The following KCNAB1 variants were observed in gnomAD, a reference collection of about 807,000 sequenced individuals.
KCNAB1 encodes voltage-gated potassium channel subunit beta-1.
In KCNAB1, 35 loss-of-function variants were observed where a neutral mutation model predicts 64.6. The ratio of observed to expected loss-of-function variants is 0.54; its 90% confidence interval spans 0.41 to 0.72. The LOEUF (loss-of-function observed/expected upper bound fraction) is 0.72, where lower values mean the gene tolerates loss of function less well. KCNAB1 is among the 30% of genes least tolerant of loss of function. The pLI is 0.00. For missense variants in KCNAB1, 401 were observed against 512.9 expected (o/e 0.78, Z 2.11); for synonymous variants, 177 against 183.8 (o/e 0.96, Z 0.30).
chr3:156,295,682 G>A (rs1358420041), intron 1 of KCNAB1, among the ~76,000 whole-genome samples: 1 of 152,188 alleles, frequency 6.6e-6, no homozygotes, highest in Admixed American at 6.5e-5. Context: ...TATCCTGTAT[G>A]TAAATAACAC....
chr3:156,357,154 TGCGC>T (rs10663018), intron 1 of KCNAB1, among the ~76,000 whole-genome samples: 16 of 135,100 alleles, frequency 1.2e-4, no homozygotes, highest in Admixed American at 4.2e-4. Flanking sequence ...AACACACATG[TGCGC>T]GCACACACAC....
At chr3:156,467,112 C>G (rs780892672) in intron 7 of KCNAB1, among the ~76,000 whole-genome samples, 3 of 152,102 alleles carry the variant, frequency 2.0e-5, no homozygotes, top group Non-Finnish European at 4.4e-5. Flanking sequence ...GTAAAACCAT[C>G]TAACACAAAG....
At chr3:156,284,759 C>T (rs1719989671) in intron 1 of KCNAB1, among the ~76,000 whole-genome samples, 1 of 152,206 alleles carries the variant, frequency 6.6e-6, no homozygotes, top group African/African-American at 2.4e-5. Flanking sequence ...CTTTCTTTGA[C>T]TCAGAAAGGG....
At chr3:156,210,267 T>TG (rs1714933101) in intron 1 of KCNAB1, among the ~76,000 whole-genome samples, 6 of 152,114 alleles carry the variant, frequency 3.9e-5, no homozygotes. Flanking sequence ...CCATTTTACT[T>TG]GGGGTACATT....
At chr3:156,170,899 A>C (rs1246750232) in intron 1 of KCNAB1, among the ~76,000 whole-genome samples, 1 of 152,208 alleles carries the variant, frequency 6.6e-6, no homozygotes, top group Non-Finnish European at 1.5e-5. Context: ...TGCACATAGC[A>C]GAACAATTTC....
At chr3:156,372,562 G>T (rs116267975) in intron 1 of KCNAB1, among the ~76,000 whole-genome samples, 2,025 of 152,318 alleles carry the variant, frequency 0.013, 17 homozygotes, top group South Asian at 0.031. Context: ...TGGACAGGGT[G>T]CTACACTTTG....
chr3:156,257,317 G>A (rs1055308000), intron 1 of KCNAB1, among the ~76,000 whole-genome samples: 3 of 152,116 alleles, frequency 2.0e-5, no homozygotes, highest in South Asian at 4.1e-4. Flanking sequence ...AAATTCATGG[G>A]GCTTTCTGCT....
At position 156,147,547 on chromosome 3, in the gene KCNAB1, CT is replaced by C. The variant is rs578009625; in HGVS notation, c.275+26669del. ...CAAAAACACAGATTTCTTTTTTATTCTTTTTTTTAAGAATGACAGGGCTTCT... is the reference window on the plus strand; with the variant it reads ...CAAAAACACAGATTTCTTTTTTATTCTTTTTTTAAGAATGACAGGGCTTCT... On this transcript the variant is annotated intron_variant, in intron 1 of 13. Coordinates refer to ENST00000490337, the MANE Select transcript of KCNAB1 (RefSeq NM_172160.3). Among the ~76,000 whole-genome samples, 225 of 151,892 alleles carry C rather than the reference CT, an allele frequency of 1.5e-3. 1 individual carries two copies. The highest frequency in any genetic ancestry group is 5.2e-3 in the African/African-American group (216 of 41,434).
chr3:156,135,007 T>C (rs1714243405), intron 1 of KCNAB1, among the ~76,000 whole-genome samples: 1 of 152,094 alleles, frequency 6.6e-6, no homozygotes, highest in African/African-American at 2.4e-5. Flanking sequence ...TTTCTTTTTT[T>C]TTTCTTCACG....
chr3:156,474,706 G>T (rs749592732), intron 7 of KCNAB1, 28 bp from the exon 8 acceptor site: 6 of 1,543,262 alleles, frequency 3.9e-6, no homozygotes, highest in South Asian at 1.1e-5. Flanking sequence ...TTTAGATTTT[G>T]GGGTTTGTTT....
chr3:156,459,001 C>CT (rs1712676173), intron 4 of KCNAB1, among the ~76,000 whole-genome samples: 1 of 152,192 alleles, frequency 6.6e-6, no homozygotes, highest in African/African-American at 2.4e-5. Context: ...GCTATACACT[C>CT]TAACAAAGAC....
intron 2 of KCNAB1, chr3:156,446,778 G>A (rs1711596258): frequency 6.6e-6 from 1 of 152,256 alleles, no homozygotes; most frequent in African/African-American, 2.4e-5. Flanking sequence ...CCACTGTCAT[G>A]TCTCACCTGG....
chr3:156,162,839 A>G (rs542979621), intron 1 of KCNAB1, among the ~76,000 whole-genome samples: 6 of 152,188 alleles, frequency 3.9e-5, no homozygotes, highest in Non-Finnish European at 8.8e-5. Context: ...AGCTGCTTCA[A>G]ATTTACACCA....
intron 1 of KCNAB1, among the ~76,000 whole-genome samples, chr3:156,397,047 C>T (rs1028784448): frequency 5.9e-5 from 9 of 152,266 alleles, no homozygotes; most frequent in South Asian, 2.1e-4. Context: ...TAGTAATTGC[C>T]GCTGTTCCTT....
chr3:156,402,366 A>G (rs1713965920), intron 1 of KCNAB1, among the ~76,000 whole-genome samples: 1 of 152,224 alleles, frequency 6.6e-6, no homozygotes, highest in African/African-American at 2.4e-5. Flanking sequence ...CAACCTTCAC[A>G]TAAGCTGTCT....
intron 1 of KCNAB1, among the ~76,000 whole-genome samples, chr3:156,239,634 A>G (rs575887249): frequency 6.6e-6 from 1 of 152,094 alleles, no homozygotes; most frequent in African/African-American, 2.4e-5. Context: ...GTCCTTGGAG[A>G]GCCGACACTC....
intron 1 of KCNAB1, among the ~76,000 whole-genome samples, chr3:156,361,177 C>T (rs1439369584): frequency 5.3e-5 from 8 of 152,266 alleles, no homozygotes; most frequent in Non-Finnish European, 1.0e-4. Flanking sequence ...TTACTCTGCT[C>T]CTGCCACACC....
intron 1 of KCNAB1, among the ~76,000 whole-genome samples, chr3:156,405,688 T>C (rs937050360): frequency 9.2e-5 from 14 of 152,330 alleles, no homozygotes; most frequent in South Asian, 2.1e-4. Context: ...TTTATCTTGC[T>C]TTTTTTCATT....
intron 1 of KCNAB1, among the ~76,000 whole-genome samples, chr3:156,264,769 G>C (rs79653533): frequency 0.017 from 2,637 of 152,140 alleles, 50 homozygotes; most frequent in South Asian, 0.023. Flanking sequence ...TCATGCAATG[G>C]TATGTCTTTT....
Sources: gnomAD v4.1 joint callset for allele counts (sites outside exome capture counted in the v4.1 genomes callset) on GRCh38, gnomAD v4.1.1 for gene constraint, MANE v1.5 for transcripts, NCBI Gene and HGNC (gene_info 2026-07-23, HGNC 2026-07-21) for gene names.